The following ANO10 variants were observed in gnomAD, a reference collection of about 807,000 sequenced individuals.
ANO10 encodes the protein anoctamin 10.
A neutral mutation model predicts 74.7 loss-of-function variants in ANO10; 77 were observed. The ratio of observed to expected loss-of-function variants is 1.03; its 90% confidence interval spans 0.86 to 1.25. The LOEUF (loss-of-function observed/expected upper bound fraction) is 1.25, where lower values mean the gene tolerates loss of function less well. Ranked by LOEUF, ANO10 falls within the 50% of genes most tolerant of loss-of-function variation. The pLI is 0.00. For missense variants in ANO10, 721 were observed against 778.1 expected (o/e 0.93, Z 0.87); for synonymous variants, 279 against 284.9 (o/e 0.98, Z 0.21).
intron 11 of ANO10, among the ~76,000 whole-genome samples, chr3:43,461,843 C>T (rs971385202): frequency 2.0e-5 from 3 of 152,092 alleles, no homozygotes; most frequent in Non-Finnish European, 2.9e-5. Context: ...GAAAAGATAC[C>T]CAAAAATGTG....
chr3:43,565,584 C>A, intron 8 of ANO10, 69 bp downstream of exon 8: 1 of 1,136,778 alleles, frequency 8.8e-7, no homozygotes, highest in Admixed American at 2.6e-5. Flanking sequence ...AAGGCAATTA[C>A]AGCATCTAAA....
At chr3:43,584,046 C>T (rs879268945) in intron 4 of ANO10, among the ~76,000 whole-genome samples, 9 of 152,142 alleles carry the variant, frequency 5.9e-5, no homozygotes, top group Non-Finnish European at 1.3e-4. Flanking sequence ...AAAACTCTTT[C>T]ATTAGGTTAT....
chr3:43,535,861 A>G (rs1258174259), intron 11 of ANO10, among the ~76,000 whole-genome samples: 1 of 152,222 alleles, frequency 6.6e-6, no homozygotes, highest in African/African-American at 2.4e-5. Context: ...AGTCTTCCCA[A>G]AGACTTTAAA....
rs183877894 is a variant in ANO10 at position 43,573,816 on chromosome 3, T to A, written c.1218+993A>T. ...AACTTTGGAAATCTAACAAAAAAAA[T>A]TTTTTTTAATGTAATATTCCATCAC... On this transcript the variant is annotated intron_variant, in intron 7 of 12. Transcript: ENST00000292246. 8.3e-3 allele frequency among the ~76,000 whole-genome samples: 1,255 copies of A among 152,082 alleles called. 11 individuals are homozygous for A. Among genetic ancestry groups the A allele is most frequent in the African/African-American group, 0.028 (1,154 of 41,484 alleles).
intron 2 of ANO10, 91 bp from the exon 3 acceptor site, chr3:43,600,672 G>T: frequency 1.8e-6 from 2 of 1,133,884 alleles, no homozygotes; most frequent in Non-Finnish European, 2.5e-6. Flanking sequence ...TTCTAGTCTG[G>T]TAGAAGAAAA....
chr3:43,610,907 C>T (rs948579589), intron 1 of ANO10, among the ~76,000 whole-genome samples: 21 of 152,154 alleles, frequency 1.4e-4, no homozygotes, highest in African/African-American at 4.8e-4. Flanking sequence ...CTGAAATGAA[C>T]CCCAAAAGAA....
rs923927486 is a variant in ANO10, at chr3:43,387,642, C to T, written c.1915-20668G>A. ...TGGGGCTATGTGAGGCATCACTGAA[C>T]ACCATAAACACTGTGGTTCTCAGTG... is the stretch of plus-strand genomic sequence containing the variant. On this transcript the variant is annotated intron_variant, in intron 12 of 12. Transcript: ENST00000292246. 1.6e-4 allele frequency among the ~76,000 whole-genome samples: 24 copies of T among 152,250 alleles called. 1 individual carries two copies. The highest frequency in any genetic ancestry group is 7.7e-4 in the East Asian group (4 of 5,178).
At chr3:43,369,577 C>A (rs1053487215) in intron 12 of ANO10, among the ~76,000 whole-genome samples, 1 of 152,198 alleles carries the variant, frequency 6.6e-6, no homozygotes, top group Non-Finnish European at 1.5e-5. Flanking sequence ...AGCTTGGCAG[C>A]CAGGGGAACA....
At chr3:43,666,985 GA>G (rs55892566) in intron 1 of ANO10, among the ~76,000 whole-genome samples, 141,664 of 151,596 alleles carry the variant, frequency 0.93, 66,285 homozygotes, top group African/African-American at 0.98. Flanking sequence ...TATTTAAAGT[GA>G]AATTTATTGA....
rs2081006089 is a variant in ANO10, at chr3:43,576,628, C to A, written c.1162+64G>T. On this transcript the variant is annotated intron_variant, in intron 6 of 12. Coordinates refer to ENST00000292246, the MANE Select transcript of ANO10 (RefSeq NM_018075.5). Reference sequence around the variant, plus strand: ...TCTGCAAGGTAGCAGCTATGTGAATCCCATGATCTAGGCAACATTTCTTAC... The same window carrying A: ...TCTGCAAGGTAGCAGCTATGTGAATACCATGATCTAGGCAACATTTCTTAC... The A allele has an allele frequency of 6.5e-7, 1 of 1,542,122 alleles. No homozygotes were observed. The highest frequency in any genetic ancestry group is 1.4e-5 in the African/African-American group (1 of 73,316).
intron 11 of ANO10, among the ~76,000 whole-genome samples, chr3:43,527,036 AAC>A (rs56025632): frequency 9.6e-4 from 141 of 147,152 alleles, no homozygotes; most frequent in Admixed American, 3.4e-3. Context: ...ATGGATGTAA[AAC>A]ACACACACAC....
intron 2 of ANO10, among the ~76,000 whole-genome samples, chr3:43,604,137 G>A (rs1214958438): frequency 6.6e-6 from 1 of 152,072 alleles, no homozygotes; most frequent in African/African-American, 2.4e-5. Flanking sequence ...GTACATAGTA[G>A]TGCTTCAATA....
At chr3:43,675,130 T>C (rs73087080) in intron 1 of ANO10, among the ~76,000 whole-genome samples, 9,930 of 152,252 alleles carry the variant, frequency 0.065, 439 homozygotes, top group Non-Finnish European at 0.1. Context: ...TTAAGAACTA[T>C]TGTTTTTCCA....
At chr3:43,514,312 T>C (rs950545634) in intron 11 of ANO10, among the ~76,000 whole-genome samples, 7 of 152,152 alleles carry the variant, frequency 4.6e-5, no homozygotes, top group African/African-American at 1.4e-4. Flanking sequence ...TAAAAAGTCA[T>C]ATTGTGCTAA....
intron 12 of ANO10, 23 bp downstream of exon 12, chr3:43,432,588 A>G (rs771439664): frequency 9.1e-6 from 14 of 1,541,116 alleles, no homozygotes; most frequent in Non-Finnish European, 1.3e-5. Flanking sequence ...CAATACATAC[A>G]TTTTCAGGAC....
intron 10 of ANO10, among the ~76,000 whole-genome samples, chr3:43,550,832 CCTTTT>C (rs2079423951): frequency 6.6e-6 from 1 of 152,040 alleles, no homozygotes; most frequent in Non-Finnish European, 1.5e-5. Flanking sequence ...TCCCTTGTCC[CCTTTT>C]CTTCCACTTC....
intron 4 of ANO10, among the ~76,000 whole-genome samples, chr3:43,597,936 A>T (rs576238093): frequency 6.6e-6 from 1 of 152,074 alleles, no homozygotes; most frequent in South Asian, 2.1e-4. Context: ...ACAAAACAAC[A>T]ACAACAACAA....
intron 1 of ANO10, among the ~76,000 whole-genome samples, chr3:43,683,873 C>A (rs2084236791): frequency 6.6e-6 from 1 of 152,044 alleles, no homozygotes; most frequent in Non-Finnish European, 1.5e-5. Flanking sequence ...AACTGGCTAG[C>A]CATATGTAGA....
intron 11 of ANO10, among the ~76,000 whole-genome samples, chr3:43,514,389 C>A (rs1056393024): frequency 6.6e-6 from 1 of 151,740 alleles, no homozygotes; most frequent in Admixed American, 6.6e-5. Flanking sequence ...ATATTACATC[C>A]GGGATAAAGA....
Sources: gnomAD v4.1 joint callset for allele counts (sites outside exome capture counted in the v4.1 genomes callset) on GRCh38, gnomAD v4.1.1 for gene constraint, MANE v1.5 for transcripts, NCBI Gene and HGNC (gene_info 2026-07-23, HGNC 2026-07-21) for gene names.